TSPAN5: variants seen among roughly 807,000 people sequenced by gnomAD.
The protein encoded by TSPAN5 is tetraspanin-5.
In TSPAN5, 10 loss-of-function variants were observed where a neutral mutation model predicts 37.1. The ratio of observed to expected loss-of-function variants is 0.27; its 90% CI spans 0.17 to 0.46. The LOEUF (loss-of-function observed/expected upper bound fraction) is 0.46. TSPAN5 is among the 20% of genes least tolerant of loss of function. The probability of loss-of-function intolerance (pLI) is 1.00; values close to 1 mark genes in which losing one functional copy is unlikely to be tolerated. For synonymous variants in TSPAN5, 110 were observed against 118.9 expected (o/e 0.93, Z 0.48); for missense variants, 195 against 326.6 (o/e 0.60, Z 3.11).
chr4:98,552,587 C>T (rs1754647451), intron 1 of TSPAN5, among the ~76,000 whole-genome samples: 1 of 152,160 alleles, frequency 6.6e-6, no homozygotes, highest in Non-Finnish European at 1.5e-5. Context: ...CACAGCATTC[C>T]ACCTATCTCA....
At chr4:98,490,986 C>T (rs891264251) in intron 2 of TSPAN5, among the ~76,000 whole-genome samples, 2 of 151,776 alleles carry the variant, frequency 1.3e-5, no homozygotes, top group Non-Finnish European at 2.9e-5. Context: ...GGCGTGAACC[C>T]GGGAGGCGGA....
At chr4:98,534,771 T>C (rs954888620) in intron 1 of TSPAN5, among the ~76,000 whole-genome samples, 2 of 152,244 alleles carry the variant, frequency 1.3e-5, no homozygotes, top group African/African-American at 2.4e-5. Flanking sequence ...CACTATGTAA[T>C]GCCCTTCTTT....
intron 1 of TSPAN5, among the ~76,000 whole-genome samples, chr4:98,555,997 A>G (rs921734392): frequency 5.8e-4 from 78 of 133,386 alleles, no homozygotes; most frequent in Non-Finnish European, 9.0e-4. Context: ...GTGCGTGCGC[A>G]CACACACACG....
At chr4:98,605,289 G>A (rs999459508) in intron 1 of TSPAN5, among the ~76,000 whole-genome samples, 1 of 152,092 alleles carries the variant, frequency 6.6e-6, no homozygotes, top group African/African-American at 2.4e-5. Context: ...GAAAAAATGT[G>A]CCAATTATCA....
At chr4:98,519,911 G>C (rs745998353) in intron 1 of TSPAN5, among the ~76,000 whole-genome samples, 1 of 152,156 alleles carries the variant, frequency 6.6e-6, no homozygotes, top group Non-Finnish European at 1.5e-5. Context: ...AAAACACAGA[G>C]ACAAGTGGAA....
chr4:98,622,130 AAT>A (rs752814573), intron 1 of TSPAN5, among the ~76,000 whole-genome samples: 7 of 152,140 alleles, frequency 4.6e-5, no homozygotes, highest in African/African-American at 7.2e-5. Flanking sequence ...CCCAGGCTGG[AAT>A]GCAGTGGCAC....
At chr4:98,528,941 G>C (rs529533931) in intron 1 of TSPAN5, among the ~76,000 whole-genome samples, 1 of 152,044 alleles carries the variant, frequency 6.6e-6, no homozygotes, top group East Asian at 1.9e-4. Context: ...AAAGGGGAGA[G>C]GTACTGTTAT....
chr4:98,481,761 A>C (rs888463037), intron 4 of TSPAN5, among the ~76,000 whole-genome samples: 3 of 152,240 alleles, frequency 2.0e-5, no homozygotes, highest in Non-Finnish European at 2.9e-5. Flanking sequence ...TTGCTCAAGC[A>C]TTTTCTTCTT....
intron 1 of TSPAN5, among the ~76,000 whole-genome samples, chr4:98,555,988 T>C (rs1578989806): frequency 8.3e-6 from 1 of 119,872 alleles, no homozygotes; most frequent in Non-Finnish European, 1.6e-5. Context: ...CACACACACG[T>C]GCGTGCGCAC....
At chr4:98,503,681 T>C (rs568528491) in intron 2 of TSPAN5, among the ~76,000 whole-genome samples, 2 of 152,272 alleles carry the variant, frequency 1.3e-5, no homozygotes, top group South Asian at 2.1e-4. Context: ...TTTATTGCAG[T>C]GTATTATTTT....
intron 1 of TSPAN5, among the ~76,000 whole-genome samples, chr4:98,589,851 T>C (rs984011377): frequency 6.6e-6 from 1 of 152,196 alleles, no homozygotes; most frequent in Non-Finnish European, 1.5e-5. Flanking sequence ...AGCATGGGAA[T>C]GTCTCTGTGG....
At chr4:98,477,501 G>C (rs560109590) in intron 5 of TSPAN5, among the ~76,000 whole-genome samples, 1 of 152,206 alleles carries the variant, frequency 6.6e-6, no homozygotes, top group African/African-American at 2.4e-5. Context: ...GCACCCACTC[G>C]GCTCTGCTTC....
rs201891284 is a variant in TSPAN5 at position 98,518,741 on chromosome 4, G to C, written c.82-11013C>G. On this transcript the variant is annotated intron_variant, in intron 1 of 7. Transcript: ENST00000305798. ...AGTGGTAGCACCAGGGAACTTGTCA[G>C]AAATGCAAATTCTGAGGCAGCTCGA... 2.0e-5 allele frequency among the ~76,000 whole-genome samples: 3 copies of C among 152,246 alleles called. No individual in the cohort carries two copies. The East Asian group carries it at 5.8e-4, about 29-fold the overall frequency.
intron 1 of TSPAN5, among the ~76,000 whole-genome samples, chr4:98,547,934 G>T (rs1261356749): frequency 6.6e-6 from 1 of 150,856 alleles, no homozygotes; most frequent in Non-Finnish European, 1.5e-5. Flanking sequence ...GAACCCTGGA[G>T]GTAGAGGCTG....
In TSPAN5 at chr4:98,592,887, G is replaced by T. The variant is rs1334797943; in HGVS notation, c.81+65259C>A. Among the ~76,000 whole-genome samples, 4 of 147,946 alleles carry T rather than the reference G, an allele frequency of 2.7e-5. No homozygotes were observed. The South Asian group carries it at 8.9e-4, about 33-fold the overall frequency. ...AGACTTTGCTATTGTGAATAGTGCC[G>T]CAATAAACATACGTGTGCATGTGTC... On this transcript the variant is annotated intron_variant, in intron 1 of 7. Coordinates refer to ENST00000305798, the MANE Select transcript of TSPAN5 (RefSeq NM_005723.4).
chr4:98,579,991 A>G (rs1292343942), intron 1 of TSPAN5, among the ~76,000 whole-genome samples: 1 of 152,216 alleles, frequency 6.6e-6, no homozygotes, highest in Non-Finnish European at 1.5e-5. Context: ...TGACTATAAT[A>G]GTAACTGTTT....
intron 3 of TSPAN5, chr4:98,484,060 ACC>A: frequency 1.6e-5 from 3 of 189,302 alleles, no homozygotes; most frequent in South Asian, 1.0e-4. Context: ...TTTTGTTCTC[ACC>A]TCCATAAAAG....
chr4:98,548,751 G>A (rs78965541), intron 1 of TSPAN5, among the ~76,000 whole-genome samples: 2,596 of 152,170 alleles, frequency 0.017, 42 homozygotes, highest in Non-Finnish European at 0.029. Context: ...TTTGGCCCCC[G>A]TTTACAAGTG....
intron 1 of TSPAN5, among the ~76,000 whole-genome samples, chr4:98,589,436 G>A (rs1755572942): frequency 6.6e-6 from 1 of 152,116 alleles, no homozygotes; most frequent in African/African-American, 2.4e-5. Context: ...GTTCACTTAA[G>A]GCCTGTGATG....
Sources: gnomAD v4.1 joint callset for allele counts (sites outside exome capture counted in the v4.1 genomes callset) on GRCh38, gnomAD v4.1.1 for gene constraint, MANE v1.5 for transcripts, NCBI Gene and HGNC (gene_info 2026-07-23, HGNC 2026-07-21) for gene names.